Variants in MORC1 observed in about 807,000 individuals in gnomAD.
MORC1 encodes MORC family CW-type zinc finger 1.
Under a neutral mutation model 134.9 loss-of-function variants are expected in MORC1, and 59 were observed. The ratio of observed to expected loss-of-function variants is 0.44; its 90% CI spans 0.35 to 0.54. MORC1 has a LOEUF of 0.54. Ranked by LOEUF, MORC1 falls within the 20% of genes least tolerant of loss-of-function variation. MORC1 has a pLI of 0.00. For missense variants in MORC1, 947 were observed against 1,134.5 expected (o/e 0.83, Z 2.37); for synonymous variants, 395 against 391.7 (o/e 1.01, Z -0.10).
At chr3:109,072,618 C>T (rs79037879) in intron 8 of MORC1, among the ~76,000 whole-genome samples, 1 of 152,188 alleles carries the variant, frequency 6.6e-6, no homozygotes. Flanking sequence ...TTATGTATGA[C>T]GGATTATCTT....
intron 21 of MORC1, among the ~76,000 whole-genome samples, chr3:108,996,284 GCGCACA>G (rs908124230): frequency 7.7e-5 from 6 of 77,532 alleles, no homozygotes; most frequent in African/African-American, 2.6e-4. Context: ...GTGCGCGCGC[GCGCACA>G]CACACACACA....
chr3:109,074,960 C>A (rs1016398734), intron 8 of MORC1, among the ~76,000 whole-genome samples: 1 of 152,102 alleles, frequency 6.6e-6, no homozygotes, highest in African/African-American at 2.4e-5. Flanking sequence ...AGATAACTTG[C>A]CACTAGAATT....
intron 8 of MORC1, among the ~76,000 whole-genome samples, chr3:109,082,237 T>A: frequency 2.0e-5 from 3 of 148,504 alleles, no homozygotes; most frequent in African/African-American, 2.5e-5. Context: ...GGCAGCAACC[T>A]AGGAGAAAAA....
intron 8 of MORC1, 97 bp from the exon 9 acceptor site, chr3:109,069,854 C>CT (rs35996834): frequency 0.14 from 173,843 of 1,287,322 alleles, 12,674 homozygotes; most frequent in Middle Eastern, 0.15. Flanking sequence ...ATTATTGTTA[C>CT]TACAAGAAGC....
intron 8 of MORC1, among the ~76,000 whole-genome samples, chr3:109,086,232 G>T (rs1950614035): frequency 6.6e-6 from 1 of 151,934 alleles, no homozygotes; most frequent in Admixed American, 6.6e-5. Context: ...AGCTAGAAGA[G>T]AATAATTAGA....
At chr3:109,093,720 C>T (rs1352912774) in intron 7 of MORC1, among the ~76,000 whole-genome samples, 179 bp from the exon 8 acceptor site, 1 of 152,236 alleles carries the variant, frequency 6.6e-6, no homozygotes, top group Non-Finnish European at 1.5e-5. Flanking sequence ...GCAAGTTTCA[C>T]TCCCTGCCAA....
chr3:109,053,759 A>C (rs910833642), intron 14 of MORC1, among the ~76,000 whole-genome samples: 1 of 152,204 alleles, frequency 6.6e-6, no homozygotes, highest in African/African-American at 2.4e-5. Context: ...GTACATGTAC[A>C]CCTTGATTCT....
intron 24 of MORC1, among the ~76,000 whole-genome samples, chr3:108,977,712 T>C (rs1375863926): frequency 6.6e-6 from 1 of 152,194 alleles, no homozygotes; most frequent in East Asian, 1.9e-4. Flanking sequence ...ACCAGTAACA[T>C]ATCAGGGTTC....
chr3:109,025,225 A>G (rs1949045204), intron 17 of MORC1, among the ~76,000 whole-genome samples: 2 of 152,216 alleles, frequency 1.3e-5, no homozygotes, highest in South Asian at 4.1e-4. Flanking sequence ...TGGTTCCATG[A>G]AAGAACAAAT....
intron 8 of MORC1, among the ~76,000 whole-genome samples, chr3:109,082,007 C>G (rs1004620064): frequency 2.0e-5 from 3 of 152,110 alleles, no homozygotes; most frequent in African/African-American, 7.2e-5. Context: ...GCCCTGGAAA[C>G]TGTGCTAGGT....
At chr3:109,002,011 C>G (rs902358280) in intron 20 of MORC1, among the ~76,000 whole-genome samples, 6 of 152,204 alleles carry the variant, frequency 3.9e-5, no homozygotes, top group African/African-American at 1.4e-4. Context: ...CTACATGATC[C>G]TCTATATCCA....
chr3:109,115,362 G>A (rs867427197), intron 1 of MORC1, among the ~76,000 whole-genome samples: 1 of 140,092 alleles, frequency 7.1e-6, no homozygotes. Flanking sequence ...CACACACAGA[G>A]AGAGAGAATA....
At chr3:109,114,510 G>T in intron 1 of MORC1, 73 bp from the exon 2 acceptor site, 2 of 1,301,890 alleles carry the variant, frequency 1.5e-6, no homozygotes, top group Admixed American at 2.0e-5. Flanking sequence ...TAAGATTCTT[G>T]CAGACAAACG....
At chr3:109,054,143 G>A (rs538596080) in intron 14 of MORC1, among the ~76,000 whole-genome samples, 8 of 151,984 alleles carry the variant, frequency 5.3e-5, no homozygotes, top group Admixed American at 1.3e-4. Flanking sequence ...TTAGGCGGGC[G>A]TGGTGGCAGG....
chr3:108,977,940 C>G (rs144095044), intron 24 of MORC1, among the ~76,000 whole-genome samples: 6 of 152,178 alleles, frequency 3.9e-5, no homozygotes. Flanking sequence ...TGCAGTGGCG[C>G]GATCTCAGCT....
chr3:109,019,208 G>A (rs889852144), intron 17 of MORC1: 2 of 152,242 alleles, frequency 1.3e-5, no homozygotes, highest in Non-Finnish European at 2.9e-5. Flanking sequence ...GAACAACAGA[G>A]CTGGGACCTG....
At chr3:109,040,239 T>C (rs973596606) in intron 14 of MORC1, among the ~76,000 whole-genome samples, 2 of 151,348 alleles carry the variant, frequency 1.3e-5, no homozygotes, top group Non-Finnish European at 2.9e-5. Context: ...CAGGAAAGTA[T>C]GGCACATTCC....
intron 8 of MORC1, among the ~76,000 whole-genome samples, chr3:109,078,857 A>G (rs1950472689): frequency 6.6e-6 from 1 of 151,868 alleles, no homozygotes; most frequent in African/African-American, 2.4e-5. Context: ...TTTTATAAAA[A>G]CTCCATGTCA....
At chr3:108,988,495 C>T (rs775006672) in intron 21 of MORC1, among the ~76,000 whole-genome samples, 2 of 152,054 alleles carry the variant, frequency 1.3e-5, no homozygotes, top group Non-Finnish European at 2.9e-5. Flanking sequence ...AAGTTTTCTT[C>T]TGATGCACTG....
Sources: allele counts gnomAD v4.1 joint callset (sites outside exome capture counted in the v4.1 genomes callset), GRCh38; gene constraint gnomAD v4.1.1; transcripts MANE v1.5; gene names NCBI Gene and HGNC (gene_info 2026-07-23, HGNC 2026-07-21).